The following EYS variants were observed in gnomAD, a reference collection of about 807,000 sequenced individuals.
The protein encoded by EYS is EGF-like photoreceptor maintenance factor.
A neutral mutation model predicts 282.1 loss-of-function variants in EYS; 250 were observed. The observed-to-expected ratio is 0.89, with a 90% CI of 0.80 to 0.98. The LOEUF (loss-of-function observed/expected upper bound fraction) is 0.98, where lower values mean the gene tolerates loss of function less well. Among genes scored for constraint, EYS ranks in the 50% least tolerant of loss-of-function variants. The pLI, the probability that EYS is intolerant of heterozygous loss-of-function variation, is 0.00. For synonymous variants in EYS, 1,355 were observed against 1,282.9 expected, an observed-to-expected ratio of 1.06 and a Z score of -1.20; for missense variants, 4,016 against 3,709.0, an observed-to-expected ratio of 1.08 and a Z score of -2.15.
chr6:64,889,428 T>G (rs1395470610), intron 18 of EYS, among the ~76,000 whole-genome samples: 1 of 151,970 alleles, frequency 6.6e-6, no homozygotes, highest in Admixed American at 6.6e-5. Context: ...ATAATTCTTG[T>G]TTTTTCAATT....
intron 22 of EYS, among the ~76,000 whole-genome samples, chr6:64,773,688 T>A (rs1484706127): frequency 1.3e-5 from 2 of 152,030 alleles, no homozygotes; most frequent in Non-Finnish European, 2.9e-5. Flanking sequence ...TGAGATGGTA[T>A]CTCATTGTGG....
At chr6:63,735,140 G>C (rs149513447) in intron 41 of EYS, among the ~76,000 whole-genome samples, 5 of 152,198 alleles carry the variant, frequency 3.3e-5, no homozygotes, top group Non-Finnish European at 7.4e-5. Context: ...GCCTTACATT[G>C]CTCAGTTTAA....
rs1473158819 is a variant in EYS, at chr6:63,870,532, A to T, written c.7056-6174T>A. Among the ~76,000 whole-genome samples the T allele has an allele frequency of 5.9e-5, 9 of 152,080 alleles. 1 individual carries two copies. The South Asian group carries it at 1.7e-3, about 28-fold the overall frequency. On this transcript the variant is annotated intron_variant, in intron 35 of 42. Transcript: ENST00000503581. ...ATGTTGAATTTGCAATGAGAATTTAATTTTTTTTGCAGTTTCTCACTTATT... is the reference window on the plus strand; with the variant it reads ...ATGTTGAATTTGCAATGAGAATTTATTTTTTTTTGCAGTTTCTCACTTATT...
At chr6:63,905,236 G>A (rs184911253) in intron 35 of EYS, among the ~76,000 whole-genome samples, 280 of 133,606 alleles carry the variant, frequency 2.1e-3, no homozygotes, top group Non-Finnish European at 3.1e-3. Context: ...GCATGTATCA[G>A]TACTTTGTTC....
intron 19 of EYS, among the ~76,000 whole-genome samples, chr6:64,876,919 G>A (rs541136323): frequency 2.0e-5 from 3 of 152,144 alleles, no homozygotes; most frequent in African/African-American, 4.8e-5. Flanking sequence ...GGGAAGCTAC[G>A]GAAGATTTTG....
chr6:65,319,371 C>G (rs1769408311), intron 11 of EYS, among the ~76,000 whole-genome samples: 1 of 151,148 alleles, frequency 6.6e-6, no homozygotes, highest in South Asian at 2.1e-4. Context: ...CAGAGTGAGT[C>G]TCCATCTCAA....
At chr6:63,816,180 G>A (rs1307633955) in intron 36 of EYS, among the ~76,000 whole-genome samples, 3 of 151,964 alleles carry the variant, frequency 2.0e-5, no homozygotes, top group Admixed American at 6.5e-5. Context: ...GATTCACAAG[G>A]TATAACATAT....
rs1222907085 is a variant in EYS, at chr6:65,335,085, C to G, written c.1661G>C (p.Cys554Ser). Residue 554 changes from cysteine (C) to serine (S), a missense_variant, in exon 11 of 43, where the codon TGT becomes TCT. Transcript: ENST00000503581. ...EEDSQEYRYL[C>S]FLRWAGNMYL... Reference sequence around the variant, plus strand: ...CATGTTGCCAGCCCATCTGAGAAAACATAGATACCGATATTCCTGACTGTC... The same window carrying G: ...CATGTTGCCAGCCCATCTGAGAAAAGATAGATACCGATATTCCTGACTGTC... 6.8e-6 allele frequency: 11 copies of G among 1,612,008 alleles called. 2 individuals are homozygous for G. The South Asian group carries it at 1.2e-4, about 18-fold the overall frequency.
intron 12 of EYS, among the ~76,000 whole-genome samples, chr6:65,089,022 T>C (rs549023607): frequency 2.0e-5 from 3 of 152,300 alleles, no homozygotes; most frequent in Admixed American, 2.0e-4. Context: ...TTTGGGAACC[T>C]CTACCTAGAT....
intron 37 of EYS, among the ~76,000 whole-genome samples, chr6:63,801,725 A>G (rs1415406590): frequency 6.6e-6 from 1 of 152,230 alleles, no homozygotes; most frequent in Admixed American, 6.5e-5. Context: ...TCAAAGGGAC[A>G]TTTTCATGAT....
intron 19 of EYS, among the ~76,000 whole-genome samples, chr6:64,854,149 C>G (rs76511008): frequency 0.15 from 23,100 of 151,750 alleles, 1,990 homozygotes; most frequent in East Asian, 0.43. Flanking sequence ...TACACTGTTG[C>G]TGGGACTGTA....
chr6:65,194,113 A>C (rs1380320697), intron 12 of EYS, among the ~76,000 whole-genome samples: 1 of 151,960 alleles, frequency 6.6e-6, no homozygotes, highest in African/African-American at 2.4e-5. Context: ...CTGCCTAAAT[A>C]AAAATAAATT....
intron 22 of EYS, among the ~76,000 whole-genome samples, chr6:64,743,284 A>G (rs1772436558): frequency 1.3e-5 from 2 of 152,138 alleles, no homozygotes; most frequent in Admixed American, 1.3e-4. Context: ...GTGATTTCAT[A>G]AATATGACAT....
rs545107079 is a variant in EYS at position 65,355,410 on chromosome 6, A to G, written c.1300-1793T>C. On this transcript the variant is annotated intron_variant, in intron 8 of 42. Coordinates refer to ENST00000503581, the MANE Select transcript of EYS (RefSeq NM_001142800.2). ...AATATCCTCTTCTGGACACTGGCCT[A>G]GGAAGAGAACTCATGACTGAGATCT... 2.1e-4 allele frequency among the ~76,000 whole-genome samples: 17 copies of G among 81,582 alleles called. No individual in the cohort carries two copies. In the East Asian group the frequency reaches 4.0e-3, roughly 19 times the overall value. The allele number at this position is 81,582 out of a possible 152,430, so 53.5% of individuals were successfully genotyped here.
chr6:65,514,427 T>A (rs1296434344), intron 2 of EYS, among the ~76,000 whole-genome samples: 3 of 152,114 alleles, frequency 2.0e-5, no homozygotes, highest in Admixed American at 2.0e-4. Context: ...TTCACAGAAT[T>A]GGAAAAAACT....
chr6:65,125,957 C>G, intron 12 of EYS, among the ~76,000 whole-genome samples: 1 of 151,984 alleles, frequency 6.6e-6, no homozygotes, highest in East Asian at 1.9e-4. Context: ...GGAATCTAGC[C>G]TGCATCTTCT....
intron 2 of EYS, among the ~76,000 whole-genome samples, chr6:65,627,151 T>A (rs141395944): frequency 1.3e-5 from 2 of 152,304 alleles, no homozygotes; most frequent in East Asian, 3.9e-4. Context: ...ACTTTAAGTC[T>A]GGGCAGTAAA....
At chr6:64,324,798 C>G (rs570964934) in intron 29 of EYS, among the ~76,000 whole-genome samples, 1 of 152,072 alleles carries the variant, frequency 6.6e-6, no homozygotes. Context: ...GTATAAAAAT[C>G]GGTATATTTC....
At chr6:63,905,329 C>CTTTTTT (rs377115720) in intron 35 of EYS, among the ~76,000 whole-genome samples, 2 of 118,304 alleles carry the variant, frequency 1.7e-5, no homozygotes, top group African/African-American at 3.4e-5. Context: ...CTTTTTTTTT[C>CTTTTTT]TTTTTTTTTT....
Sources: gnomAD v4.1 joint callset for allele counts (sites outside exome capture counted in the v4.1 genomes callset) on GRCh38, gnomAD v4.1.1 for gene constraint, MANE v1.5 for transcripts, NCBI Gene and HGNC (gene_info 2026-07-23, HGNC 2026-07-21) for gene names.